HIVEP3: variants seen among roughly 807,000 people sequenced by gnomAD.
HIVEP3 encodes the protein HIVEP zinc finger 3.
In HIVEP3, 49 loss-of-function variants were observed where a neutral mutation model predicts 152.8. The observed-to-expected ratio is 0.32, with a 90% confidence interval of 0.26 to 0.41. HIVEP3 has a LOEUF of 0.41. Among genes scored for constraint, HIVEP3 ranks in the 10% least tolerant of loss-of-function variants. HIVEP3 has a pLI of 1.00. For missense variants in HIVEP3, 2,790 were observed against 3,103.3 expected (o/e 0.90, Z 2.40); for synonymous variants, 1,269 against 1,289.0 (o/e 0.98, Z 0.33).
rs1642695667 is a variant in HIVEP3, at chr1:41,519,316, T to C, written c.5384-828A>G. ...TAGGTCCAGCCCACAAGCTGAAGAG[T>C]GGAGGCAGCAGCTCTGTGGAATCAG... is the stretch of plus-strand genomic sequence containing the variant. On this transcript the variant is annotated intron_variant, in intron 6 of 8. Transcript: ENST00000372583. 1.3e-5 allele frequency among the ~76,000 whole-genome samples: 2 copies of C among 151,878 alleles called. 1 individual carries two copies. Among genetic ancestry groups the C allele is most frequent in the South Asian group, 4.2e-4 (2 of 4,804 alleles).
intron 2 of HIVEP3, among the ~76,000 whole-genome samples, chr1:41,690,866 C>T (rs1303188483): frequency 1.3e-5 from 2 of 152,062 alleles, no homozygotes; most frequent in African/African-American, 4.8e-5. Flanking sequence ...TGCAATGAGC[C>T]GAGATCGCTC....
chr1:41,841,629 G>A (rs1447772580), intron 1 of HIVEP3, among the ~76,000 whole-genome samples: 2 of 152,128 alleles, frequency 1.3e-5, no homozygotes, highest in Non-Finnish European at 2.9e-5. Flanking sequence ...GCCCAAAACC[G>A]CTGACTTCGT....
chr1:41,595,390 C>CCTCCTCTCTCTCCATCCTGCT (rs1644649939), intron 3 of HIVEP3, among the ~76,000 whole-genome samples: 1 of 152,184 alleles, frequency 6.6e-6, no homozygotes, highest in Non-Finnish European at 1.5e-5. Flanking sequence ...GTCTTCCTGG[C>CCTCCTCTCTCTCCATCCTGCT]CTCCTCTCTC....
chr1:41,925,565 T>A (rs1570816015), intron 1 of HIVEP3, among the ~76,000 whole-genome samples: 1 of 152,034 alleles, frequency 6.6e-6, no homozygotes, highest in South Asian at 2.1e-4. Flanking sequence ...ATCTCAGGGG[T>A]GGCAGAGGCA....
chr1:41,709,972 G>A (rs544225022), intron 1 of HIVEP3, among the ~76,000 whole-genome samples: 30 of 152,184 alleles, frequency 2.0e-4, no homozygotes, highest in African/African-American at 4.8e-4. Flanking sequence ...AGGGACTTTC[G>A]GTTAAGAACC....
Position 41,510,732 on chromosome 1 carries a change from T to G in HIVEP3, c.6940A>C (p.Thr2314Pro). 6.4e-7 allele frequency: 1 copy of G among 1,553,058 alleles called. No homozygotes were observed. ...CGTCCCTGGGGCGGCCGGGGCAAGG[T>G]GTCGGGTGGGGTGCAGGGGCTGTGC... is the stretch of plus-strand genomic sequence containing the variant. The part of the protein sequence containing the change: ...PTHSPCTPPD[T>P]LPRPPQGRRA... Residue 2314 changes from threonine to proline, a missense_variant, in exon 9 of 9, where the codon ACC becomes CCC. By Grantham distance (38) the Thr-to-Pro change is conservative (BLOSUM62 -1). Coordinates refer to ENST00000372583, the MANE Select transcript of HIVEP3 (RefSeq NM_024503.5).
chr1:41,775,728 T>A lies in HIVEP3; in HGVS notation c.-800-74733A>T, dbSNP rs537223274. 2.6e-5 allele frequency among the ~76,000 whole-genome samples: 4 copies of A among 152,272 alleles called. No homozygotes were observed. The South Asian group carries it at 8.3e-4, about 32-fold the overall frequency. On this transcript the variant is annotated intron_variant, in intron 1 of 8. Transcript: ENST00000372583. The stretch of plus-strand genomic sequence containing the variant: ...TGGTCTTAAACTCCTGATCCTCATG[T>A]GGTCCACCTCCCAAAGTGCAGGGAT...
chr1:41,600,019 C>A (rs1489682936), intron 3 of HIVEP3, among the ~76,000 whole-genome samples: 1 of 152,112 alleles, frequency 6.6e-6, no homozygotes, highest in East Asian at 1.9e-4. Flanking sequence ...CACGAAGATA[C>A]CACCTCACAC....
intron 1 of HIVEP3, among the ~76,000 whole-genome samples, chr1:41,828,395 T>G (rs1023479193): frequency 2.0e-5 from 3 of 152,256 alleles, no homozygotes; most frequent in Non-Finnish European, 4.4e-5. Flanking sequence ...CTAACTCACT[T>G]TTTTGGGAAC....
chr1:41,570,364 A>G (rs552220727), intron 5 of HIVEP3, among the ~76,000 whole-genome samples: 4 of 152,294 alleles, frequency 2.6e-5, no homozygotes, highest in African/African-American at 9.6e-5. Flanking sequence ...GAGGAATTGA[A>G]TCATGGGGGC....
chr1:41,601,343 G>T (rs1455874259), intron 3 of HIVEP3, among the ~76,000 whole-genome samples: 2 of 152,088 alleles, frequency 1.3e-5, no homozygotes, highest in African/African-American at 4.8e-5. Flanking sequence ...GTTTTGGGTA[G>T]TATGGACATG....
chr1:41,939,140 A>C (rs896016704), intron 1 of HIVEP3, among the ~76,000 whole-genome samples: 1 of 152,184 alleles, frequency 6.6e-6, no homozygotes, highest in African/African-American at 2.4e-5. Context: ...TTAAATGAGA[A>C]TGGCTCTTCT....
chr1:41,749,432 G>GTGTGTGTGTGTGTGTGT (rs57099184), intron 1 of HIVEP3, among the ~76,000 whole-genome samples: 31 of 151,102 alleles, frequency 2.1e-4, no homozygotes, highest in South Asian at 4.2e-4. Flanking sequence ...GTGTGTGTGT[G>GTGTGTGTGTGTGTGTGT]ATGGAGAGAC....
chr1:41,690,715 C>T (rs898636546), intron 2 of HIVEP3, among the ~76,000 whole-genome samples: 1 of 152,162 alleles, frequency 6.6e-6, no homozygotes, highest in Non-Finnish European at 1.5e-5. Flanking sequence ...GTCGGGAGTT[C>T]GAGACCAGCC....
chr1:41,894,998 C>T (rs1293154713), intron 1 of HIVEP3, among the ~76,000 whole-genome samples: 2 of 151,720 alleles, frequency 1.3e-5, no homozygotes, highest in African/African-American at 2.4e-5. Flanking sequence ...CCCACAACCA[C>T]CCCCCAGAAA....
At chr1:41,777,212 C>G (rs1648758688) in intron 1 of HIVEP3, among the ~76,000 whole-genome samples, 2 of 152,222 alleles carry the variant, frequency 1.3e-5, no homozygotes, top group Admixed American at 1.3e-4. Flanking sequence ...AAATGCTGGG[C>G]TGCAGCCCAG....
intron 1 of HIVEP3, among the ~76,000 whole-genome samples, chr1:41,939,897 CT>C (rs1645037394): frequency 6.6e-6 from 1 of 151,546 alleles, no homozygotes; most frequent in South Asian, 2.1e-4. Context: ...TTCTTTTTTT[CT>C]TTTTCTTTAT....
chr1:41,530,143 G>A (rs775169643), intron 5 of HIVEP3, among the ~76,000 whole-genome samples: 11 of 152,196 alleles, frequency 7.2e-5, no homozygotes, highest in Middle Eastern at 3.4e-3. Flanking sequence ...AACTGATGCC[G>A]CCAAGGAGTC....
chr1:41,528,702 CAG>C (rs1458156710), intron 5 of HIVEP3, among the ~76,000 whole-genome samples: 2 of 133,032 alleles, frequency 1.5e-5, no homozygotes, highest in African/African-American at 2.9e-5. Flanking sequence ...CGTTCACCCT[CAG>C]ACTCACAGCC....
Sources: allele counts gnomAD v4.1 joint callset (sites outside exome capture counted in the v4.1 genomes callset), GRCh38; gene constraint gnomAD v4.1.1; transcripts MANE v1.5; gene names NCBI Gene and HGNC (gene_info 2026-07-23, HGNC 2026-07-21).